ELMO2: variants seen among roughly 807,000 people sequenced by gnomAD.
The protein encoded by ELMO2 is engulfment and cell motility protein 2.
In ELMO2, 37 loss-of-function variants were observed where a neutral mutation model predicts 96.2. That is an observed-to-expected ratio of 0.38 (90% CI 0.30 to 0.51). The LOEUF is 0.51. ELMO2 is among the 20% of genes least tolerant of loss of function. ELMO2 has a pLI of 0.88. For missense variants in ELMO2, 561 were observed against 912.6 expected, an observed-to-expected ratio of 0.61 and a Z score of 4.96; for synonymous variants, 315 against 329.4, an observed-to-expected ratio of 0.96 and a Z score of 0.47.
intron 10 of ELMO2, among the ~76,000 whole-genome samples, chr20:46,381,528 C>G (rs1393397829): frequency 6.6e-6 from 1 of 152,218 alleles, no homozygotes; most frequent in African/African-American, 2.4e-5. Flanking sequence ...TCTCTGAATA[C>G]ATACTGGCTA....
intron 5 of ELMO2, 125 bp from the exon 6 acceptor site, chr20:46,393,268 G>T: frequency 1.0e-6 from 1 of 1,003,906 alleles, no homozygotes; most frequent in Non-Finnish European, 1.5e-6. Flanking sequence ...CTTCAGTCGG[G>T]CCCTCTTCTC....
In ELMO2 at chr20:46,371,726, C is replaced by CA. The variant is rs143362697; in HGVS notation, c.1581-36dup. ...ACACACACTGGAGTGAGCGGAAGGTCATGGGGACAGTGGAGCTCTGGAAGG... is the reference window on the plus strand; with the variant it reads ...ACACACACTGGAGTGAGCGGAAGGTCAATGGGGACAGTGGAGCTCTGGAAGG... On this transcript the variant is annotated intron_variant, in intron 17 of 21. Transcript: ENST00000290246. The surrounding 1 kb of genome is among the most constrained non-coding windows in gnomAD (Gnocchi z 5.9). 1.6e-3 allele frequency: 2,589 copies of CA among 1,613,946 alleles called. 40 individuals are homozygous for CA. The African/African-American group carries it at 0.031, about 19-fold the overall frequency.
chr20:46,399,109 T>C (rs1353574378), intron 1 of ELMO2, among the ~76,000 whole-genome samples: 1 of 152,178 alleles, frequency 6.6e-6, no homozygotes, highest in Non-Finnish European at 1.5e-5. Context: ...ACAGCCAGAA[T>C]TTGATACCAG....
At chr20:46,374,510 G>A (rs1277199797) in intron 14 of ELMO2, 26 bp downstream of exon 14, 1 of 1,612,098 alleles carries the variant, frequency 6.2e-7, no homozygotes, top group Non-Finnish European at 8.5e-7. Flanking sequence ...CACCAGGACT[G>A]AGAAGGCCAG....
At chr20:46,370,858 A>G (rs2059688068) in intron 19 of ELMO2, among the ~76,000 whole-genome samples, 1 of 152,162 alleles carries the variant, frequency 6.6e-6, no homozygotes, top group African/African-American at 2.4e-5. Flanking sequence ...TGATGCCATC[A>G]TCGCCAACAG....
chr20:46,367,332 C>G lies in ELMO2; in HGVS notation c.*28G>C. 6.9e-7 allele frequency: 1 copy of G among 1,451,162 alleles called. No individual in the cohort carries two copies. The highest frequency in any genetic ancestry group is 1.5e-5 in the African/African-American group (1 of 68,866). 89.9% of individuals were successfully genotyped at this position (1,451,162 alleles called of 1,614,324 possible). Reference sequence around the variant, plus strand: ...TCTCCTGGGCCCAAAATCCCTTCTCCTGGGTACCGTCGTTTCTGGCTCCAG... The same window carrying G: ...TCTCCTGGGCCCAAAATCCCTTCTCGTGGGTACCGTCGTTTCTGGCTCCAG... On this transcript the variant is annotated 3_prime_UTR_variant, in exon 22 of 22. Coordinates refer to ENST00000290246, the MANE Select transcript of ELMO2 (RefSeq NM_133171.5).
At chr20:46,372,096 G>A (rs2059729722) in intron 16 of ELMO2, 127 bp from the exon 17 acceptor site, 2 of 1,101,030 alleles carry the variant, frequency 1.8e-6, no homozygotes, top group Non-Finnish European at 1.3e-6. Context: ...GACATCTGCT[G>A]GGTGAGTAAG....
intron 1 of ELMO2, among the ~76,000 whole-genome samples, chr20:46,401,292 TG>T (rs1245593314): frequency 6.6e-6 from 1 of 152,228 alleles, no homozygotes; most frequent in Non-Finnish European, 1.5e-5. Context: ...AGGATTTGAC[TG>T]GCAGAGATTA....
chr20:46,394,007 T>A (rs1223253199), intron 4 of ELMO2, 42 bp downstream of exon 4: 1 of 1,613,252 alleles, frequency 6.2e-7, no homozygotes, highest in Non-Finnish European at 8.5e-7. Context: ...GCTCTTTCAG[T>A]CGGAGCTGCC....
At chr20:46,372,064 C>T in intron 16 of ELMO2, 95 bp from the exon 17 acceptor site, 1 of 1,523,090 alleles carries the variant, frequency 6.6e-7, no homozygotes, top group Non-Finnish European at 9.0e-7. Flanking sequence ...GCCCCAGGGT[C>T]TTGAGCAGGG....
intron 1 of ELMO2, among the ~76,000 whole-genome samples, chr20:46,401,895 C>T (rs1156657706): frequency 2.0e-5 from 3 of 152,198 alleles, no homozygotes; most frequent in Non-Finnish European, 2.9e-5. Flanking sequence ...TCTGTACATA[C>T]CTTCCTGATC....
chr20:46,382,222 A>G (rs766937484), intron 10 of ELMO2: 1 of 1,289,828 alleles, frequency 7.8e-7, no homozygotes, highest in South Asian at 1.2e-5. Flanking sequence ...AGGCAGGTCT[A>G]GAGGATTAAG....
At chr20:46,369,883 G>C (rs1229717787) in intron 20 of ELMO2, 1 of 197,566 alleles carries the variant, frequency 5.1e-6, no homozygotes, top group Non-Finnish European at 1.0e-5. Context: ...GGTGGGGGAT[G>C]GGGGGGCGGG....
chr20:46,373,639 C>G, intron 15 of ELMO2, 104 bp from the exon 16 acceptor site: 1 of 1,458,450 alleles, frequency 6.9e-7, no homozygotes, highest in Non-Finnish European at 9.3e-7. Context: ...ACAAAAGCAG[C>G]CTAAGGCGCG....
intron 1 of ELMO2, among the ~76,000 whole-genome samples, chr20:46,406,253 T>C (rs2060440867): frequency 6.7e-6 from 1 of 150,360 alleles, no homozygotes; most frequent in Non-Finnish European, 1.5e-5. Context: ...CTCCGACCGC[T>C]GCCCAGCCCA....
intron 3 of ELMO2, 140 bp from the exon 4 acceptor site, chr20:46,394,229 C>G: frequency 9.0e-7 from 1 of 1,109,406 alleles, no homozygotes; most frequent in Non-Finnish European, 1.3e-6. Context: ...GAAGAGGAAG[C>G]CTCTCCCAAG....
intron 1 of ELMO2, among the ~76,000 whole-genome samples, chr20:46,401,787 C>A (rs1053540810): frequency 2.0e-5 from 3 of 152,170 alleles, no homozygotes; most frequent in South Asian, 2.1e-4. Context: ...TCAACTCAAC[C>A]TTCAAGGCCC....
intron 9 of ELMO2, among the ~76,000 whole-genome samples, chr20:46,384,538 C>G (rs1213148313): frequency 1.1e-5 from 1 of 91,164 alleles, no homozygotes; most frequent in East Asian, 2.7e-4. Context: ...TGGGGCCACT[C>G]TGAATTCAGA....
rs2297052 is a variant in ELMO2 at position 46,371,783 on chromosome 20, G to C, written c.1580+23C>G. The C allele has an allele frequency of 0.087, 140,082 of 1,613,734 alleles. 8,376 individuals are homozygous for C. Among genetic ancestry groups the C allele is most frequent in the African/African-American group, 0.29 (22,092 of 74,962 alleles). ...GAGCTGGCAGCCACCTCCCCCGCCA[G>C]CCTCCCCTGAGATGGAACTTACACA... is the stretch of plus-strand genomic sequence containing the variant. On this transcript the variant is annotated intron_variant, in intron 17 of 21. Coordinates refer to ENST00000290246, the MANE Select transcript of ELMO2 (RefSeq NM_133171.5). The surrounding 1 kb of genome is among the most constrained non-coding windows in gnomAD (Gnocchi z 5.9).
Sources: gnomAD v4.1 joint callset for allele counts (sites outside exome capture counted in the v4.1 genomes callset) on GRCh38, gnomAD v4.1.1 for gene constraint, Gnocchi (gnomAD v3.1) non-coding constraint, MANE v1.5 for transcripts, NCBI Gene and HGNC (gene_info 2026-07-23, HGNC 2026-07-21) for gene names.